PDE10A: variants seen among roughly 807,000 people sequenced by gnomAD.
PDE10A encodes phosphodiesterase 10A.
A neutral mutation model predicts 97.7 loss-of-function variants in PDE10A; 39 were observed. The ratio of observed to expected loss-of-function variants is 0.40; its 90% CI spans 0.31 to 0.52. The LOEUF (loss-of-function observed/expected upper bound fraction) is 0.52. PDE10A is among the 20% of genes least tolerant of loss of function. The pLI, the probability that PDE10A is intolerant of heterozygous loss-of-function variation, is 0.56. For synonymous variants in PDE10A, 371 were observed against 376.8 expected (o/e 0.98, Z 0.18); for missense variants, 731 against 1,047.8 (o/e 0.70, Z 4.17).
chr6:165,764,144 A>G (rs1583054294), intron 1 of PDE10A, among the ~76,000 whole-genome samples: 1 of 152,320 alleles, frequency 6.6e-6, no homozygotes, highest in Non-Finnish European at 1.5e-5. Flanking sequence ...CAGTAGACGG[A>G]TGAGGCTCTT....
chr6:165,371,785 T>C (rs956723388), intron 18 of PDE10A, among the ~76,000 whole-genome samples: 10 of 152,052 alleles, frequency 6.6e-5, no homozygotes, highest in Middle Eastern at 3.4e-3. Context: ...AAAAGAGAAT[T>C]TTAGACCAAC....
intron 1 of PDE10A, among the ~76,000 whole-genome samples, chr6:165,725,586 A>G (rs970467764): frequency 6.6e-6 from 1 of 152,210 alleles, no homozygotes; most frequent in Admixed American, 6.5e-5. Context: ...ACTTCTCAGA[A>G]TAGGGGAGGC....
At chr6:165,437,015 G>A (rs1279171734) in intron 5 of PDE10A, among the ~76,000 whole-genome samples, 1 of 152,076 alleles carries the variant, frequency 6.6e-6, no homozygotes, top group Admixed American at 6.5e-5. Context: ...CTATAAGGAA[G>A]CAACTGTCCC....
intron 13 of PDE10A, among the ~76,000 whole-genome samples, 168 bp from the exon 14 acceptor site, chr6:165,396,627 T>C (rs1234674601): frequency 6.6e-6 from 1 of 152,234 alleles, no homozygotes; most frequent in Non-Finnish European, 1.5e-5. Flanking sequence ...AGACATGACT[T>C]TGCAGATTCA....
At chr6:165,827,721 T>C (rs1583157085) in intron 1 of PDE10A, among the ~76,000 whole-genome samples, 1 of 152,186 alleles carries the variant, frequency 6.6e-6, no homozygotes, top group African/African-American at 2.4e-5. Context: ...GTAAGTTCTT[T>C]AGTGGTGATT....
chr6:165,602,278 G>T (rs928977269), intron 1 of PDE10A, among the ~76,000 whole-genome samples: 4 of 152,068 alleles, frequency 2.6e-5, no homozygotes, highest in African/African-American at 9.7e-5. Context: ...ATCCTGCCTT[G>T]GCCCACCCCA....
intron 1 of PDE10A, among the ~76,000 whole-genome samples, chr6:165,738,787 G>GT (rs1387425201): frequency 2.6e-5 from 4 of 152,154 alleles, no homozygotes; most frequent in African/African-American, 9.7e-5. Context: ...TTTTTCATGT[G>GT]TTTTTTGGCT....
chr6:165,634,396 T>TTATTAGCTGTGTGG (rs1788778520), intron 1 of PDE10A, among the ~76,000 whole-genome samples: 1 of 152,098 alleles, frequency 6.6e-6, no homozygotes, highest in Admixed American at 6.5e-5. Flanking sequence ...TCCTGCAACT[T>TTATTAGCTGTGTGG]TATTAGCTGT....
At chr6:165,798,372 T>C (rs890047483) in intron 1 of PDE10A, among the ~76,000 whole-genome samples, 3 of 152,036 alleles carry the variant, frequency 2.0e-5, no homozygotes, top group Admixed American at 2.0e-4. Context: ...CTTCTGAAGG[T>C]TTGCTGTGCT....
intron 1 of PDE10A, among the ~76,000 whole-genome samples, chr6:165,987,241 G>T (rs1785251338): frequency 6.6e-6 from 1 of 152,194 alleles, no homozygotes; most frequent in Non-Finnish European, 1.5e-5. Flanking sequence ...GTCAGTTGGC[G>T]CTGGGGCGGG....
intron 1 of PDE10A, among the ~76,000 whole-genome samples, chr6:165,702,379 G>A (rs1791601222): frequency 6.6e-6 from 1 of 152,162 alleles, no homozygotes; most frequent in Admixed American, 6.5e-5. Flanking sequence ...CTTCTCACCT[G>A]AGCGAGGCCC....
In PDE10A at chr6:165,336,155, G is replaced by C. The variant is rs143718875; in HGVS notation, c.3033C>G (p.Leu1011=). 1.4e-3 allele frequency: 2,254 copies of C among 1,613,932 alleles called. 26 individuals are homozygous for C. In the African/African-American group the frequency reaches 0.026, roughly 19 times the overall value. ...IPCYTTLTQI[L]PPTEPLLKAC... ...CTTTCAGAAGAGGCTCCGTGGGAGG[G>C]AGGATCTGGGTAAGGGTTGTATAGC... Residue 1011 remains leucine, a synonymous_variant, in exon 21 of 22, where the codon CTC becomes CTG. Coordinates refer to ENST00000539869, the MANE Select transcript of PDE10A (RefSeq NM_001385079.1).
At chr6:165,529,480 C>T (rs1782646224) in intron 2 of PDE10A, among the ~76,000 whole-genome samples, 1 of 152,146 alleles carries the variant, frequency 6.6e-6, no homozygotes, top group Non-Finnish European at 1.5e-5. Flanking sequence ...TGCTGAGGTG[C>T]TTGCTGAAGG....
chr6:165,447,953 T>C (rs1412124624), intron 5 of PDE10A, among the ~76,000 whole-genome samples: 4 of 152,280 alleles, frequency 2.6e-5, no homozygotes, highest in Non-Finnish European at 4.4e-5. Context: ...AATCAGCCAA[T>C]AAATATTTTT....
intron 3 of PDE10A, among the ~76,000 whole-genome samples, chr6:165,467,269 T>C (rs1213149583): frequency 6.6e-6 from 1 of 152,232 alleles, no homozygotes; most frequent in Non-Finnish European, 1.5e-5. Flanking sequence ...TTATCCAAAA[T>C]ATCTAGCTAA....
At chr6:165,626,777 G>A (rs1461991550) in intron 1 of PDE10A, among the ~76,000 whole-genome samples, 7 of 152,098 alleles carry the variant, frequency 4.6e-5, no homozygotes, top group Non-Finnish European at 7.4e-5. Flanking sequence ...GGAAGTTGAA[G>A]GAGCTGGGGA....
At chr6:165,571,968 G>A (rs1220222578) in intron 1 of PDE10A, among the ~76,000 whole-genome samples, 1 of 152,134 alleles carries the variant, frequency 6.6e-6, no homozygotes, top group Admixed American at 6.5e-5. Context: ...AGAAACACAG[G>A]CATCTAAGCT....
intron 2 of PDE10A, among the ~76,000 whole-genome samples, chr6:165,531,892 C>G (rs1026722903): frequency 1.6e-4 from 25 of 152,292 alleles, no homozygotes; most frequent in African/African-American, 5.8e-4. Flanking sequence ...AACCTTTAAA[C>G]CATCTTCTTG....
intron 1 of PDE10A, among the ~76,000 whole-genome samples, chr6:165,601,191 A>G (rs574055607): frequency 3.9e-5 from 6 of 152,220 alleles, no homozygotes; most frequent in East Asian, 3.9e-4. Flanking sequence ...TTTTGCTGCC[A>G]CCATGTAAGA....
Sources: gnomAD v4.1 joint callset for allele counts (sites outside exome capture counted in the v4.1 genomes callset) on GRCh38, gnomAD v4.1.1 for gene constraint, MANE v1.5 for transcripts, NCBI Gene and HGNC (gene_info 2026-07-23, HGNC 2026-07-21) for gene names.